The following MAMDC2 variants were observed in gnomAD, a reference collection of about 807,000 sequenced individuals.
MAMDC2 encodes the protein MAM domain containing 2.
A neutral mutation model predicts 89.8 loss-of-function variants in MAMDC2; 57 were observed. The observed-to-expected ratio is 0.63, with a 90% CI of 0.51 to 0.79. The LOEUF (loss-of-function observed/expected upper bound fraction) is 0.79, where lower values mean the gene tolerates loss of function less well. MAMDC2 is among the 30% of genes least tolerant of loss of function. MAMDC2 has a pLI of 0.00. For synonymous variants in MAMDC2, 313 were observed against 293.4 expected (o/e 1.07, Z -0.68); for missense variants, 800 against 820.6 (o/e 0.97, Z 0.31).
At chr9:70,220,795 T>C (rs74924826) in intron 12 of MAMDC2, among the ~76,000 whole-genome samples, 2 of 152,236 alleles carry the variant, frequency 1.3e-5, no homozygotes, top group East Asian at 3.9e-4. Context: ...TGCATGATTT[T>C]GGAGATACCT....
At chr9:70,123,075 C>T (rs929252331) in intron 5 of MAMDC2, among the ~76,000 whole-genome samples, 2 of 152,122 alleles carry the variant, frequency 1.3e-5, no homozygotes, top group Non-Finnish European at 2.9e-5. Flanking sequence ...CTCTGTGGCC[C>T]CTGCAATTAG....
chr9:70,204,912 G>C (rs908904280), intron 11 of MAMDC2, among the ~76,000 whole-genome samples: 5 of 152,160 alleles, frequency 3.3e-5, no homozygotes, highest in Non-Finnish European at 7.3e-5. Context: ...CCCTGCTTCA[G>C]CTCGCGCATG....
chr9:70,051,510 G>T (rs754309040), intron 2 of MAMDC2, among the ~76,000 whole-genome samples: 4 of 152,168 alleles, frequency 2.6e-5, no homozygotes, highest in Non-Finnish European at 4.4e-5. Flanking sequence ...GTATCTTGGG[G>T]TGTAATATTC....
intron 11 of MAMDC2, among the ~76,000 whole-genome samples, chr9:70,181,335 G>A (rs892089124): frequency 5.9e-5 from 9 of 152,238 alleles, no homozygotes; most frequent in African/African-American, 2.2e-4. Context: ...GGCTATACAG[G>A]CTCTTTTTTG....
At chr9:70,170,404 T>A in intron 10 of MAMDC2, 75 bp from the exon 11 acceptor site, 2 of 1,499,504 alleles carry the variant, frequency 1.3e-6, no homozygotes, top group Non-Finnish European at 1.8e-6. Flanking sequence ...CATTCATACA[T>A]GCAGAGTGGG....
chr9:70,221,266 G>C (rs1415153088), intron 12 of MAMDC2, among the ~76,000 whole-genome samples: 1 of 147,626 alleles, frequency 6.8e-6, no homozygotes, highest in Non-Finnish European at 1.5e-5. Context: ...GAGGTGGGAG[G>C]ATTGCCTGAG....
At chr9:70,111,869 G>T (rs2997712) in intron 4 of MAMDC2, among the ~76,000 whole-genome samples, 5,018 of 152,336 alleles carry the variant, frequency 0.033, 268 homozygotes, top group African/African-American at 0.11. Context: ...TGATGATTCA[G>T]GAGCTGTTAT....
At chr9:70,137,928 T>A (rs2031067656) in intron 7 of MAMDC2, among the ~76,000 whole-genome samples, 1 of 152,236 alleles carries the variant, frequency 6.6e-6, no homozygotes, top group African/African-American at 2.4e-5. Flanking sequence ...TGTATAAATG[T>A]ATGTGGTACA....
intron 4 of MAMDC2, among the ~76,000 whole-genome samples, 179 bp downstream of exon 4, chr9:70,109,983 T>C (rs1025975408): frequency 5.3e-5 from 8 of 152,202 alleles, no homozygotes; most frequent in African/African-American, 1.9e-4. Context: ...TTGTCTTTAG[T>C]GTGGGAAGGC....
chr9:70,050,321 C>A (rs1237325778), intron 2 of MAMDC2, among the ~76,000 whole-genome samples: 3 of 152,182 alleles, frequency 2.0e-5, no homozygotes, highest in African/African-American at 4.8e-5. Flanking sequence ...ACAAACATAT[C>A]CTTAAGTGTT....
At chr9:70,048,723 G>A (rs965001890) in intron 2 of MAMDC2, among the ~76,000 whole-genome samples, 1 of 152,214 alleles carries the variant, frequency 6.6e-6, no homozygotes, top group Non-Finnish European at 1.5e-5. Context: ...TGAAATCGGG[G>A]CTGCTTATTC....
chr9:70,135,197 CTTTTTTCT>C (rs773661677), intron 7 of MAMDC2, among the ~76,000 whole-genome samples: 3 of 152,088 alleles, frequency 2.0e-5, no homozygotes, highest in Non-Finnish European at 4.4e-5. Context: ...GGCTTTAGTT[CTTTTTTCT>C]TTTTTTCTTG....
intron 6 of MAMDC2, among the ~76,000 whole-genome samples, chr9:70,128,953 A>C (rs1197827001): frequency 6.6e-6 from 1 of 152,232 alleles, no homozygotes. Flanking sequence ...CACTGCGGCC[A>C]ACCAACCTTC....
chr9:70,060,938 T>C (rs1372057489), intron 2 of MAMDC2, among the ~76,000 whole-genome samples: 1 of 152,228 alleles, frequency 6.6e-6, no homozygotes, highest in East Asian at 1.9e-4. Flanking sequence ...TGGATTTTTC[T>C]TTTAGGATCC....
In MAMDC2 at chr9:70,107,851, C is replaced by G. The variant is rs1317202134; in HGVS notation, c.149-360C>G. Among the ~76,000 whole-genome samples, 6 of 152,088 alleles carry G rather than the reference C, an allele frequency of 3.9e-5. No homozygotes were observed. The East Asian group carries it at 1.2e-3, about 29-fold the overall frequency. On this transcript the variant is annotated intron_variant, in intron 2 of 13. Transcript: ENST00000377182. ...TGCAGAAACATATGCCTATGGGGACCAGGGAGATGAATGCAATGTGCTAAA... is the reference window on the plus strand; with the variant it reads ...TGCAGAAACATATGCCTATGGGGACGAGGGAGATGAATGCAATGTGCTAAA...
chr9:70,177,279 C>G (rs2032528423), intron 11 of MAMDC2, among the ~76,000 whole-genome samples: 1 of 152,080 alleles, frequency 6.6e-6, no homozygotes, highest in Non-Finnish European at 1.5e-5. Flanking sequence ...CTGTGACAGT[C>G]AGTCTGATAA....
intron 7 of MAMDC2, among the ~76,000 whole-genome samples, chr9:70,139,225 C>G (rs185629858): frequency 0.015 from 2,137 of 145,654 alleles, 46 homozygotes; most frequent in African/African-American, 0.051. Context: ...CACCCATTAA[C>G]TCGTCATTTA....
chr9:70,148,241 T>C (rs1320692366), intron 9 of MAMDC2, among the ~76,000 whole-genome samples: 1 of 150,092 alleles, frequency 6.7e-6, no homozygotes, highest in Non-Finnish European at 1.5e-5. Flanking sequence ...CTCTTCTTAT[T>C]TAGATCTCAG....
At chr9:70,125,651 C>T (rs2030498706) in intron 5 of MAMDC2, among the ~76,000 whole-genome samples, 1 of 152,184 alleles carries the variant, frequency 6.6e-6, no homozygotes, top group Non-Finnish European at 1.5e-5. Context: ...CTTAGTTTCA[C>T]TCAAAAAACA....
Sources: allele counts gnomAD v4.1 joint callset (sites outside exome capture counted in the v4.1 genomes callset), GRCh38; gene constraint gnomAD v4.1.1; transcripts MANE v1.5; gene names NCBI Gene and HGNC (gene_info 2026-07-23, HGNC 2026-07-21).